Variants in XKR9 observed in about 807,000 individuals in gnomAD.
XKR9 encodes XK-related protein 9.
A neutral mutation model predicts 32.0 loss-of-function variants in XKR9; 32 were observed. That is an observed-to-expected ratio of 1.00 (90% confidence interval 0.76 to 1.34). The LOEUF (loss-of-function observed/expected upper bound fraction) is 1.34. XKR9 is among the 40% of genes most tolerant of loss of function. The pLI, the probability that XKR9 is intolerant of heterozygous loss-of-function variation, is 0.00. For synonymous variants in XKR9, 168 were observed against 143.4 expected (o/e 1.17, Z -1.22); for missense variants, 546 against 429.7 (o/e 1.27, Z -2.39).
chr8:70,870,188 C>A, the XKR9 span, among the ~76,000 whole-genome samples: 1 of 152,092 alleles, frequency 6.6e-6, no homozygotes, highest in Non-Finnish European at 1.5e-5. Context: ...GGTCTTCTAG[C>A]AAAAGATAAC....
At chr8:70,875,723 A>G in the XKR9 span, among the ~76,000 whole-genome samples, 1 of 152,194 alleles carries the variant, frequency 6.6e-6, no homozygotes, top group Non-Finnish European at 1.5e-5. Context: ...TGGAATTATT[A>G]AATGAAGTTT....
the XKR9 span, among the ~76,000 whole-genome samples, chr8:71,039,363 G>GAA: frequency 6.6e-6 from 1 of 152,136 alleles, no homozygotes; most frequent in Non-Finnish European, 1.5e-5. Flanking sequence ...AACATGCTGA[G>GAA]AACACTTACA....
At chr8:71,035,798 T>C in the XKR9 span, among the ~76,000 whole-genome samples, 1 of 152,186 alleles carries the variant, frequency 6.6e-6, no homozygotes, top group African/African-American at 2.4e-5. Flanking sequence ...GACCTTCTCC[T>C]GCCATTCTCC....
the XKR9 span, among the ~76,000 whole-genome samples, chr8:70,852,547 A>G: frequency 7.2e-5 from 11 of 152,218 alleles, no homozygotes; most frequent in Non-Finnish European, 1.6e-4. Context: ...ATACATGCAC[A>G]TGTGTGTTTA....
intron 2 of XKR9, among the ~76,000 whole-genome samples, chr8:70,750,634 A>C (rs978940508): frequency 6.6e-6 from 1 of 152,162 alleles, no homozygotes; most frequent in Non-Finnish European, 1.5e-5. Flanking sequence ...AGCTTTCTTG[A>C]TATATAATTC....
chr8:70,792,679 A>T (rs62508810), downstream of XKR9, among the ~76,000 whole-genome samples: 11,038 of 152,118 alleles, frequency 0.073, 475 homozygotes, highest in Non-Finnish European at 0.089. Context: ...CAGTGAAGAA[A>T]TGATAGAAGG....
chr8:70,825,028 A>G, the XKR9 span, among the ~76,000 whole-genome samples: 1 of 152,036 alleles, frequency 6.6e-6, no homozygotes, highest in Non-Finnish European at 1.5e-5. Context: ...TGGCAAGACT[A>G]TTTTACTTTA....
At chr8:70,819,737 G>A in the XKR9 span, among the ~76,000 whole-genome samples, 1 of 152,116 alleles carries the variant, frequency 6.6e-6, no homozygotes, top group Non-Finnish European at 1.5e-5. Flanking sequence ...CTTGCCAAGG[G>A]TTTTCTCTCC....
the XKR9 span, among the ~76,000 whole-genome samples, chr8:70,860,131 C>T: frequency 6.6e-6 from 1 of 152,092 alleles, no homozygotes; most frequent in African/African-American, 2.4e-5. Flanking sequence ...ATATCAATAA[C>T]AAAATTACCC....
chr8:70,894,540 C>T, the XKR9 span, among the ~76,000 whole-genome samples: 146 of 152,288 alleles, frequency 9.6e-4, no homozygotes, highest in Non-Finnish European at 1.5e-3. Context: ...CCCCAGGGGG[C>T]AGTGTGTTGC....
the XKR9 span, among the ~76,000 whole-genome samples, chr8:70,825,615 C>A: frequency 6.6e-6 from 1 of 152,054 alleles, no homozygotes; most frequent in Non-Finnish European, 1.5e-5. Flanking sequence ...GCACCAAGTT[C>A]TTGTAGTTAT....
At chr8:70,674,272 C>T (rs1818815245) in intron 1 of XKR9, among the ~76,000 whole-genome samples, 1 of 152,062 alleles carries the variant, frequency 6.6e-6, no homozygotes, top group African/African-American at 2.4e-5. Flanking sequence ...TCTGGGAAAG[C>T]CTAAAGATGG....
chr8:70,785,330 A>G (rs57519298), intron 2 of XKR9, among the ~76,000 whole-genome samples: 53 of 151,860 alleles, frequency 3.5e-4, no homozygotes, highest in African/African-American at 1.2e-3. Flanking sequence ...GATCGTTTTT[A>G]TTTCTGTGAT....
chr8:70,852,749 C>G, the XKR9 span, among the ~76,000 whole-genome samples: 8 of 151,914 alleles, frequency 5.3e-5, no homozygotes, highest in Non-Finnish European at 8.8e-5. Context: ...AACACAGGAA[C>G]AGAAAACTAA....
At chr8:70,776,939 C>A (rs1386383247) in intron 2 of XKR9, among the ~76,000 whole-genome samples, 2 of 31,118 alleles carry the variant, frequency 6.4e-5, no homozygotes, top group Non-Finnish European at 6.4e-5. Context: ...CTCTCTCTCT[C>A]TCTCTCTCTA....
intron 4 of XKR9, among the ~76,000 whole-genome samples, chr8:70,719,776 G>T (rs557507968): frequency 6.6e-6 from 1 of 152,080 alleles, no homozygotes; most frequent in South Asian, 2.1e-4. Context: ...GGCTATATGG[G>T]CTTTTTTTAA....
At chr8:70,803,006 A>G in the XKR9 span, among the ~76,000 whole-genome samples, 1 of 152,158 alleles carries the variant, frequency 6.6e-6, no homozygotes, top group Non-Finnish European at 1.5e-5. Context: ...TCCCTAGCGA[A>G]GTTGGGGAAA....
intron 4 of XKR9, among the ~76,000 whole-genome samples, chr8:70,728,994 T>G (rs1009299953): frequency 2.0e-5 from 3 of 152,188 alleles, no homozygotes; most frequent in Non-Finnish European, 4.4e-5. Flanking sequence ...GTGACATTCT[T>G]TACTTACCAC....
chr8:70,896,142 A>G, the XKR9 span, among the ~76,000 whole-genome samples: 1 of 152,194 alleles, frequency 6.6e-6, no homozygotes, highest in Non-Finnish European at 1.5e-5. Context: ...ATACATCTAT[A>G]TTCATAAAGA....
Sources: gnomAD v4.1 joint callset for allele counts (sites outside exome capture counted in the v4.1 genomes callset) on GRCh38, gnomAD v4.1.1 for gene constraint, MANE v1.5 for transcripts, NCBI Gene and HGNC (gene_info 2026-07-23, HGNC 2026-07-21) for gene names.